CLSTN2: variants seen among roughly 807,000 people sequenced by gnomAD.
CLSTN2 encodes calsyntenin-2.
Under a neutral mutation model 101.2 loss-of-function variants are expected in CLSTN2, and 48 were observed. That is an observed-to-expected ratio of 0.47 (90% confidence interval 0.38 to 0.60). The LOEUF (loss-of-function observed/expected upper bound fraction) is 0.60. Ranked by LOEUF, CLSTN2 falls within the 20% of genes least tolerant of loss-of-function variation. The pLI, the probability that CLSTN2 is intolerant of heterozygous loss-of-function variation, is 0.00. For missense variants in CLSTN2, 1,160 were observed against 1,238.2 expected (o/e 0.94, Z 0.95); for synonymous variants, 481 against 463.6 (o/e 1.04, Z -0.48).
At chr3:140,536,373 C>T (rs1369093456) in intron 9 of CLSTN2, among the ~76,000 whole-genome samples, 1 of 152,064 alleles carries the variant, frequency 6.6e-6, no homozygotes. Context: ...CTTCTCTGAG[C>T]CTCTCATCTA....
chr3:140,193,558 A>G (rs1354944671), intron 2 of CLSTN2, among the ~76,000 whole-genome samples: 1 of 151,848 alleles, frequency 6.6e-6, no homozygotes, highest in Admixed American at 6.6e-5. Context: ...GTAAGGTACC[A>G]TTCTGGTTGA....
intron 2 of CLSTN2, among the ~76,000 whole-genome samples, chr3:140,361,701 A>C (rs1053512664): frequency 6.6e-5 from 10 of 152,190 alleles, no homozygotes; most frequent in African/African-American, 2.4e-4. Flanking sequence ...AACAATCTGA[A>C]AGTGAAATTT....
At chr3:140,374,025 C>T (rs1244618603) in intron 2 of CLSTN2, among the ~76,000 whole-genome samples, 1 of 152,218 alleles carries the variant, frequency 6.6e-6, no homozygotes. Flanking sequence ...GCTTCCATCA[C>T]CTCCTGACAG....
chr3:140,292,295 G>A (rs1054553040), intron 2 of CLSTN2, among the ~76,000 whole-genome samples: 3 of 152,264 alleles, frequency 2.0e-5, no homozygotes, highest in East Asian at 1.9e-4. Flanking sequence ...GCTGTCAGCC[G>A]CTTCTTTCCT....
chr3:140,142,443 G>A (rs35493419), intron 1 of CLSTN2, among the ~76,000 whole-genome samples: 1 of 152,164 alleles, frequency 6.6e-6, no homozygotes, highest in East Asian at 1.9e-4. Context: ...ACAGCTGTGA[G>A]GGGGTAGATT....
At chr3:140,367,043 G>A (rs902152995) in intron 2 of CLSTN2, among the ~76,000 whole-genome samples, 4 of 152,104 alleles carry the variant, frequency 2.6e-5, no homozygotes, top group Non-Finnish European at 5.9e-5. Flanking sequence ...CTTGGTGCTG[G>A]GCCCACCACC....
chr3:140,199,004 C>T (rs2010684344), intron 2 of CLSTN2, among the ~76,000 whole-genome samples: 1 of 152,136 alleles, frequency 6.6e-6, no homozygotes, highest in South Asian at 2.1e-4. Flanking sequence ...TCTCCAAGGC[C>T]CGGATGACAG....
At chr3:140,347,816 A>C (rs887187918) in intron 2 of CLSTN2, among the ~76,000 whole-genome samples, 1 of 152,224 alleles carries the variant, frequency 6.6e-6, no homozygotes, top group Non-Finnish European at 1.5e-5. Context: ...TAAAGAATTT[A>C]TATGTGGAAT....
At chr3:140,265,042 C>A (rs1426343262) in intron 2 of CLSTN2, among the ~76,000 whole-genome samples, 2 of 152,148 alleles carry the variant, frequency 1.3e-5, no homozygotes, top group Admixed American at 6.6e-5. Flanking sequence ...GCATTATACA[C>A]ATTTGTCCAT....
At chr3:140,565,817 C>T (rs1689875326) in intron 16 of CLSTN2, among the ~76,000 whole-genome samples, 1 of 152,216 alleles carries the variant, frequency 6.6e-6, no homozygotes, top group African/African-American at 2.4e-5. Flanking sequence ...AACAGTCTAC[C>T]TTGAGTTCAT....
chr3:140,161,408 G>A (rs2010043814), intron 1 of CLSTN2, among the ~76,000 whole-genome samples: 1 of 152,104 alleles, frequency 6.6e-6, no homozygotes. Flanking sequence ...TGTGATTTCA[G>A]ACAATTATTC....
intron 1 of CLSTN2, among the ~76,000 whole-genome samples, chr3:140,090,938 A>G (rs1409616938): frequency 6.6e-6 from 1 of 152,104 alleles, no homozygotes; most frequent in Non-Finnish European, 1.5e-5. Context: ...ATCTGATCCT[A>G]AGAGAAGGTG....
intron 8 of CLSTN2, among the ~76,000 whole-genome samples, chr3:140,494,973 A>G (rs1219571183): frequency 1.3e-5 from 2 of 152,212 alleles, no homozygotes; most frequent in Non-Finnish European, 2.9e-5. Flanking sequence ...CTTCGGATAT[A>G]TACCCAGTAA....
chr3:139,954,285 T>C (rs1031595874), intron 1 of CLSTN2, among the ~76,000 whole-genome samples: 1 of 152,190 alleles, frequency 6.6e-6, no homozygotes. Flanking sequence ...TGGCCAGCTG[T>C]GAGGTTTGTG....
At position 140,172,753 on chromosome 3, in the gene CLSTN2, G is replaced by A. The variant is rs568039655; in HGVS notation, c.110-3198G>A. Among the ~76,000 whole-genome samples the A allele has an allele frequency of 4.6e-5, 7 of 152,296 alleles. No homozygotes were observed. The East Asian group carries it at 1.4e-3, about 29-fold the overall frequency. On this transcript the variant is annotated intron_variant, in intron 1 of 16. Coordinates refer to ENST00000458420, the MANE Select transcript of CLSTN2 (RefSeq NM_022131.3). ...TCCCATCTTACATGCATGGCAACAG[G>A]CAAAGAGAATGAGGAAGATGCAAAA...
intron 1 of CLSTN2, among the ~76,000 whole-genome samples, chr3:140,082,185 C>G (rs1430880199): frequency 1.3e-5 from 2 of 152,154 alleles, no homozygotes; most frequent in African/African-American, 4.8e-5. Flanking sequence ...GAATTTTGAG[C>G]AATGTAATCC....
chr3:140,564,967 G>A (rs1220836231), intron 16 of CLSTN2, among the ~76,000 whole-genome samples: 1 of 152,176 alleles, frequency 6.6e-6, no homozygotes, highest in Non-Finnish European at 1.5e-5. Context: ...TTCCACCTCG[G>A]CTAGCCTCAC....
chr3:139,951,009 G>A (rs988517221), intron 1 of CLSTN2, among the ~76,000 whole-genome samples: 23 of 152,198 alleles, frequency 1.5e-4, no homozygotes, highest in Non-Finnish European at 1.3e-4. Flanking sequence ...ATAAGACAAA[G>A]CATTCTTTGG....
chr3:140,212,467 G>A (rs1234988773), intron 2 of CLSTN2, among the ~76,000 whole-genome samples: 1 of 152,198 alleles, frequency 6.6e-6, no homozygotes, highest in Non-Finnish European at 1.5e-5. Flanking sequence ...TCAAGACTGT[G>A]TATTTGTAAG....
Sources: allele counts gnomAD v4.1 joint callset (sites outside exome capture counted in the v4.1 genomes callset), GRCh38; gene constraint gnomAD v4.1.1; transcripts MANE v1.5; gene names NCBI Gene and HGNC (gene_info 2026-07-23, HGNC 2026-07-21).